Variants in RFX3 observed in about 807,000 individuals in gnomAD.
RFX3 encodes the protein regulatory factor X3.
A neutral mutation model predicts 98.6 loss-of-function variants in RFX3; 14 were observed. The ratio of observed to expected loss-of-function variants is 0.14; its 90% CI spans 0.09 to 0.22. The LOEUF is 0.22. Among genes scored for constraint, RFX3 ranks in the 10% least tolerant of loss-of-function variants. The probability of loss-of-function intolerance (pLI) is 1.00; values close to 1 mark genes in which losing one functional copy is unlikely to be tolerated. For synonymous variants in RFX3, 383 were observed against 328.4 expected, an observed-to-expected ratio of 1.17 and a Z score of -1.80; for missense variants, 639 against 926.9, an observed-to-expected ratio of 0.69 and a Z score of 4.03.
chr9:3,379,981 C>T (rs1443444891), intron 2 of RFX3, among the ~76,000 whole-genome samples: 1 of 151,810 alleles, frequency 6.6e-6, no homozygotes, highest in East Asian at 1.9e-4. Flanking sequence ...GGCTGGAGTA[C>T]AATGGTGTGA....
At chr9:3,366,908 C>G (rs1837275722) in intron 2 of RFX3, among the ~76,000 whole-genome samples, 1 of 151,890 alleles carries the variant, frequency 6.6e-6, no homozygotes, top group South Asian at 2.1e-4. Flanking sequence ...TGTAGCAAAA[C>G]TCTCATTTTA....
intron 1 of RFX3, among the ~76,000 whole-genome samples, chr9:3,401,506 G>C (rs1457506486): frequency 6.6e-6 from 1 of 152,174 alleles, no homozygotes; most frequent in East Asian, 1.9e-4. Flanking sequence ...GGTTAGTTTA[G>C]TTCCTTCACA....
intron 1 of RFX3, among the ~76,000 whole-genome samples, chr9:3,440,862 G>A (rs558594635): frequency 1.3e-5 from 2 of 152,272 alleles, no homozygotes; most frequent in East Asian, 3.9e-4. Flanking sequence ...AACTAAGACA[G>A]TATGTTACTG....
chr9:3,387,389 C>T (rs1010122754), intron 2 of RFX3, among the ~76,000 whole-genome samples: 2 of 152,052 alleles, frequency 1.3e-5, no homozygotes, highest in Admixed American at 6.6e-5. Flanking sequence ...TTTTTAATTA[C>T]TTAATAGAGA....
intron 16 of RFX3, among the ~76,000 whole-genome samples, 164 bp downstream of exon 16, chr9:3,228,683 G>A (rs1268293291): frequency 1.3e-5 from 2 of 151,930 alleles, no homozygotes; most frequent in African/African-American, 4.8e-5. Context: ...ATAGGGATGG[G>A]GAAAAATGGA....
chr9:3,294,403 C>G (rs912135671), intron 5 of RFX3, among the ~76,000 whole-genome samples: 39 of 152,144 alleles, frequency 2.6e-4, no homozygotes, highest in African/African-American at 9.2e-4. Context: ...CCAAAGAATT[C>G]ATTTATTGAG....
intron 2 of RFX3, 26 bp downstream of exon 2, chr9:3,395,446 C>T (rs1840758598): frequency 1.2e-6 from 2 of 1,607,516 alleles, no homozygotes; most frequent in African/African-American, 1.3e-5. Flanking sequence ...GTAACAGCAT[C>T]TTTTCTAAGA....
At position 3,421,760 on chromosome 9, in the gene RFX3, G is replaced by A. The variant is rs62526382; in HGVS notation, c.-8-26164C>T. On this transcript the variant is annotated intron_variant, in intron 1 of 16. Transcript: ENST00000617270. ...ATATGGAAAGTAAGCCCTCATAGACGAATGCTGGCTTCCACTCACATCACC... is the reference window on the plus strand; with the variant it reads ...ATATGGAAAGTAAGCCCTCATAGACAAATGCTGGCTTCCACTCACATCACC... Among the ~76,000 whole-genome samples, 445 of 152,234 alleles carry A rather than the reference G, an allele frequency of 2.9e-3. 3 individuals are homozygous for A. The highest frequency in any genetic ancestry group is 3.6e-3 in the Non-Finnish European group (243 of 67,994).
chr9:3,464,374 C>T (rs1383662800), intron 1 of RFX3, among the ~76,000 whole-genome samples: 1 of 151,972 alleles, frequency 6.6e-6, no homozygotes, highest in South Asian at 2.1e-4. Context: ...ATAGCTAAAC[C>T]CTGAAAAAGA....
chr9:3,505,248 A>ACATTTT (rs1816861313), intron 1 of RFX3, among the ~76,000 whole-genome samples: 1 of 75,094 alleles, frequency 1.3e-5, no homozygotes, highest in East Asian at 1.3e-3. Context: ...ATTTATATAT[A>ACATTTT]TATGAATATA....
At chr9:3,492,980 T>C (rs530746149) in intron 1 of RFX3, among the ~76,000 whole-genome samples, 3 of 152,300 alleles carry the variant, frequency 2.0e-5, no homozygotes, top group African/African-American at 4.8e-5. Context: ...ACAAGGATGG[T>C]TGCCCAGCCT....
At chr9:3,228,530 T>C (rs1230037825) in intron 16 of RFX3, among the ~76,000 whole-genome samples, 1 of 152,248 alleles carries the variant, frequency 6.6e-6, no homozygotes, top group African/African-American at 2.4e-5. Flanking sequence ...CATCCAATTT[T>C]ATCACTTATC....
chr9:3,490,634 T>C (rs1304730825), intron 1 of RFX3, among the ~76,000 whole-genome samples: 1 of 152,054 alleles, frequency 6.6e-6, no homozygotes, highest in African/African-American at 2.4e-5. Context: ...ATAAGAAATA[T>C]AAATTAGGGG....
chr9:3,420,135 C>A (rs990633232), intron 1 of RFX3, among the ~76,000 whole-genome samples: 4 of 152,180 alleles, frequency 2.6e-5, no homozygotes, highest in Admixed American at 6.5e-5. Flanking sequence ...CTTCAGTGAG[C>A]CAGCGTACAT....
chr9:3,487,137 C>G (rs929540402), intron 1 of RFX3, among the ~76,000 whole-genome samples: 1 of 152,038 alleles, frequency 6.6e-6, no homozygotes, highest in Admixed American at 6.6e-5. Context: ...ATTACAGGCA[C>G]AAGCCACCAT....
intron 2 of RFX3, among the ~76,000 whole-genome samples, chr9:3,379,976 G>C (rs1048855916): frequency 1.3e-5 from 2 of 151,594 alleles, no homozygotes; most frequent in African/African-American, 2.4e-5. Context: ...TGCCAGGCTG[G>C]AGTACAATGG....
chr9:3,390,004 A>C (rs1229090639), intron 2 of RFX3, among the ~76,000 whole-genome samples: 11 of 152,178 alleles, frequency 7.2e-5, no homozygotes, highest in Admixed American at 7.2e-4. Flanking sequence ...AATCATAAAA[A>C]CAATTTTAGA....
At chr9:3,285,020 A>G (rs1443651730) in intron 7 of RFX3, among the ~76,000 whole-genome samples, 1 of 151,836 alleles carries the variant, frequency 6.6e-6, no homozygotes, top group Non-Finnish European at 1.5e-5. Context: ...TGTGAGCTAT[A>G]TAAAAACAAT....
chr9:3,463,880 G>T (rs909082190), intron 1 of RFX3, among the ~76,000 whole-genome samples: 1 of 152,072 alleles, frequency 6.6e-6, no homozygotes, highest in African/African-American at 2.4e-5. Flanking sequence ...GGGTGAGGTG[G>T]GAGGATTGTT....
Sources: allele counts gnomAD v4.1 joint callset (sites outside exome capture counted in the v4.1 genomes callset), GRCh38; gene constraint gnomAD v4.1.1; transcripts MANE v1.5; gene names NCBI Gene and HGNC (gene_info 2026-07-23, HGNC 2026-07-21).